The following NEB variants were observed in gnomAD, a reference collection of about 807,000 sequenced individuals.
NEB encodes nebulin.
In NEB, 512 loss-of-function variants were observed where a neutral mutation model predicts 952.2. That is an observed-to-expected ratio of 0.54 (90% CI 0.50 to 0.58). NEB has a LOEUF of 0.58. Ranked by LOEUF, NEB falls within the 20% of genes least tolerant of loss-of-function variation. The pLI, the probability that NEB is intolerant of heterozygous loss-of-function variation, is 0.00. For synonymous variants in NEB, 2,900 were observed against 3,149.8 expected (o/e 0.92, Z 2.66); for missense variants, 8,428 against 9,231.1 (o/e 0.91, Z 3.56).
chr2:151,680,589 A>C, intron 30 of NEB, 141 bp downstream of exon 30: 2 of 573,640 alleles, frequency 3.5e-6, no homozygotes, highest in Non-Finnish European at 6.0e-6. Flanking sequence ...TTATTAATGA[A>C]CAGCTGGGGA....
Position 151,529,216 on chromosome 2 carries a change from G to A in NEB, c.21729C>T (p.Asn7243=). 6.2e-7 allele frequency: 1 copy of A among 1,606,952 alleles called. No individual in the cohort carries two copies. The highest frequency in any genetic ancestry group is 2.2e-5 in the East Asian group (1 of 44,850). ...GGAAGTTTCTGGAACTTACATTGGT[G>A]TTGACTTTGTAGGCGTCCTTGGCTG... ...IKAAKDAYKV[N]TNLDYKKQYE... The change falls in exon 146 of 182, where the codon AAC becomes AAT. Residue 7243 remains asparagine (N), a synonymous_variant. Coordinates refer to ENST00000397345, the MANE Select transcript of NEB (RefSeq NM_001164508.2).
Position 151,639,949 on chromosome 2 carries a change from A to G in NEB, c.8797T>C (p.Tyr2933His). Residue 2933 changes from tyrosine (Y) to histidine (H), a missense_variant, in exon 62 of 182, where the codon TAT becomes CAT. Coordinates refer to ENST00000397345, the MANE Select transcript of NEB (RefSeq NM_001164508.2). ...TTGAATCTGTCTGGAGGCTGGCGATAGATTTTATCACTCAAAATTTCAGTT... is the reference window on the plus strand; with the variant it reads ...TTGAATCTGTCTGGAGGCTGGCGATGGATTTTATCACTCAAAATTTCAGTT... ...RATEILSDKI[Y>H]RQPPDRFKFT... 3 of 1,614,010 alleles carry G rather than the reference A, an allele frequency of 1.9e-6. No individual in the cohort carries two copies. Among genetic ancestry groups the G allele is most frequent in the Non-Finnish European group, 8.5e-7 (1 of 1,179,880 alleles).
rs1278443655 is a variant in NEB at position 151,727,913 on chromosome 2, A to G, written c.79-7T>C. 1 of 1,606,950 alleles carries G rather than the reference A, an allele frequency of 6.2e-7. No individual in the cohort carries two copies. Among genetic ancestry groups the G allele is most frequent in the African/African-American group, 1.3e-5 (1 of 74,688 alleles). ...CATAAATTTTTGTTATTGTCTGAAA[A>G]TTTGATATGCAGTTCAACATTGTTG... is the stretch of plus-strand genomic sequence containing the variant. On this transcript the variant is annotated splice_polypyrimidine_tract_variant and splice_region_variant and intron_variant, in intron 4 of 181. Coordinates refer to ENST00000397345, the MANE Select transcript of NEB (RefSeq NM_001164508.2).
intron 13 of NEB, 42 bp from the exon 14 acceptor site, chr2:151,697,690 C>T (rs374962220): frequency 8.0e-7 from 1 of 1,253,956 alleles, no homozygotes; most frequent in Non-Finnish European, 1.1e-6. Context: ...ATTCCTGTCA[C>T]TCCCACGCTG....
chr2:151,624,377 G>A (rs1455360409), intron 71 of NEB, among the ~76,000 whole-genome samples: 1 of 151,968 alleles, frequency 6.6e-6, no homozygotes, highest in Non-Finnish European at 1.5e-5. Context: ...AATGAGAGAG[G>A]ATTAAGAGCT....
rs1489856136 is a variant in NEB, at chr2:151,605,740, A to G, written c.12747+866T>C. On this transcript the variant is annotated intron_variant, in intron 84 of 181. Coordinates refer to ENST00000397345, the MANE Select transcript of NEB (RefSeq NM_001164508.2). ...CAGAGAAGAACACAGAGAAAGGAAC[A>G]AGGTGGCTTAAAGAGTTGGAGCTGG... 6.1e-5 allele frequency among the ~76,000 whole-genome samples: 6 copies of G among 98,458 alleles called. 2 individuals carry two copies. Among genetic ancestry groups the G allele is most frequent in the African/African-American group, 1.7e-4 (6 of 35,084 alleles). 64.6% of individuals were successfully genotyped at this position (98,458 alleles called of 152,430 possible).
At chr2:151,536,858 C>T (rs2093294084) in intron 141 of NEB, among the ~76,000 whole-genome samples, 1 of 152,104 alleles carries the variant, frequency 6.6e-6, no homozygotes, top group Non-Finnish European at 1.5e-5. Context: ...TAGGAGAAAC[C>T]ACCCAGAGAC....
In NEB at chr2:151,609,975, T is replaced by G; in HGVS notation, c.12164A>C (p.Lys4055Thr). ...REYKKEFQKWKTKFSSPVDML... is the reference protein window; with the variant it reads ...REYKKEFQKWTTKFSSPVDML... ...GTCCACTGGGCTAGAGAACTTGGTT[T>G]TCCACTTTTGGAATTCCTTCTTGTA... The change falls in exon 81 of 182, where the codon AAA (lysine) becomes ACA (threonine). Residue 4055 changes from lysine (K) to threonine (T), a missense_variant. Transcript: ENST00000397345. The G allele has an allele frequency of 6.2e-7, 1 of 1,614,032 alleles. No individual in the cohort carries two copies. Among genetic ancestry groups the G allele is most frequent in the South Asian group, 1.1e-5 (1 of 91,090 alleles).
In NEB at chr2:151,491,197, A is replaced by AT. The variant is rs1270956557; in HGVS notation, c.25150+485dup. On this transcript the variant is annotated intron_variant, in intron 179 of 181. Transcript: ENST00000397345. ...AGGTGTACAACACCACTCGCGGCTA[A>AT]TTTTTTTTTACTGTTTGTAGAAAAG... The AT allele has an allele frequency of 3.2e-3, 502 of 157,050 alleles. 2 individuals carry two copies. The highest frequency in any genetic ancestry group is 0.01 in the African/African-American group (424 of 41,268). 9.7% of individuals were successfully genotyped at this position (157,050 alleles called of 1,614,324 possible). A position where few individuals can be genotyped will look rare whatever the true frequency, so the allele number is the denominator to read the frequency against.
At chr2:151,577,452 T>A (rs1392594450) in intron 105 of NEB, among the ~76,000 whole-genome samples, 1 of 152,236 alleles carries the variant, frequency 6.6e-6, no homozygotes, top group Non-Finnish European at 1.5e-5. Context: ...AATCAGTGCC[T>A]TCTCAGAAGA....
intron 180 of NEB, 119 bp from the exon 181 acceptor site, chr2:151,490,196 A>T: frequency 8.5e-7 from 1 of 1,171,710 alleles, no homozygotes; most frequent in Admixed American, 2.5e-5. Context: ...CAAAAAGAGA[A>T]ATCAAAGAAA....
At chr2:151,652,749 G>A (rs1395153794) in intron 52 of NEB, among the ~76,000 whole-genome samples, 4 of 152,170 alleles carry the variant, frequency 2.6e-5, no homozygotes, top group South Asian at 2.1e-4. Flanking sequence ...TAGTGGGAAA[G>A]TTCACTTATA....
intron 79 of NEB, 63 bp downstream of exon 79, chr2:151,610,699 G>T: frequency 6.3e-7 from 1 of 1,577,608 alleles, no homozygotes; most frequent in South Asian, 1.1e-5. Flanking sequence ...AAAGGAAATT[G>T]TTACGGTGGA....
intron 161 of NEB, among the ~76,000 whole-genome samples, chr2:151,511,746 A>C (rs997956152): frequency 6.6e-6 from 1 of 152,090 alleles, no homozygotes; most frequent in African/African-American, 2.4e-5. Flanking sequence ...TCATCTCTCT[A>C]TTTGTAGGAA....
chr2:151,494,091 G>A, intron 174 of NEB, 70 bp downstream of exon 174: 1 of 1,307,272 alleles, frequency 7.6e-7, no homozygotes, highest in Non-Finnish European at 1.1e-6. Context: ...CTGGGACAGG[G>A]TTAGGAGCAG....
chr2:151,565,375 A>G, intron 116 of NEB, 126 bp downstream of exon 116: 3 of 758,148 alleles, frequency 4.0e-6, no homozygotes, highest in Non-Finnish European at 4.6e-6. Context: ...CCCCCCAAAG[A>G]TGATCTTAGA....
At position 151,569,297 on chromosome 2, in the gene NEB, C is replaced by T; in HGVS notation, c.17506G>A (p.Ala5836Thr). ...CTGAAGATGTCCGCGGCATGTTTGG[C>T]ATGATTGACGGACACGGAGTCATTT... ...MPNDSVSVNH[A>T]KHAADIFSEK... The change falls in exon 110 of 182, where the codon GCC (alanine) becomes ACC (threonine). Residue 5836 changes from alanine to threonine, a missense_variant. By Grantham distance (58) the Ala-to-Thr change is moderately conservative (BLOSUM62 0). This residue lies in a region of NEB where 3,374 missense variants were observed against 3,651.5 expected (regional missense o/e 0.92). Coordinates refer to ENST00000397345, the MANE Select transcript of NEB (RefSeq NM_001164508.2). 2 of 1,613,880 alleles carry T rather than the reference C, an allele frequency of 1.2e-6. No individual in the cohort carries two copies. The highest frequency in any genetic ancestry group is 2.2e-5 in the East Asian group (1 of 44,870).
intron 147 of NEB, 89 bp downstream of exon 147, chr2:151,527,392 C>G: frequency 1.8e-6 from 2 of 1,086,830 alleles, no homozygotes; most frequent in Non-Finnish European, 2.7e-6. Context: ...AGGGTTAACA[C>G]TCATGATAGT....
At chr2:151,616,598 G>A (rs985243985) in intron 75 of NEB, among the ~76,000 whole-genome samples, 7 of 152,118 alleles carry the variant, frequency 4.6e-5, no homozygotes, top group African/African-American at 1.7e-4. Context: ...GGAGGCTGAG[G>A]CAGGAGAATT....
Sources: gnomAD v4.1 joint callset for allele counts (sites outside exome capture counted in the v4.1 genomes callset) on GRCh38, gnomAD v4.1.1 for gene constraint, gnomAD v4.1.1 regional missense constraint, MANE v1.5 for transcripts, NCBI Gene and HGNC (gene_info 2026-07-23, HGNC 2026-07-21) for gene names.